The following LINGO2 variants were observed in gnomAD, a reference collection of about 807,000 sequenced individuals.
LINGO2 encodes leucine-rich repeat and immunoglobulin-like domain-containing nogo receptor-interacting protein 2.
LINGO2 carries 14 observed loss-of-function variants against 30.6 expected under a neutral mutation model. The ratio of observed to expected loss-of-function variants is 0.46; its 90% CI spans 0.30 to 0.72. The LOEUF (loss-of-function observed/expected upper bound fraction) is 0.72, where lower values mean the gene tolerates loss of function less well. Ranked by LOEUF, LINGO2 falls within the 30% of genes least tolerant of loss-of-function variation. The pLI is 0.07. For synonymous variants in LINGO2, 317 were observed against 288.5 expected, an observed-to-expected ratio of 1.10 and a Z score of -1.00; for missense variants, 729 against 751.7, an observed-to-expected ratio of 0.97 and a Z score of 0.35.
intron 4 of LINGO2, among the ~76,000 whole-genome samples, chr9:28,279,680 C>T (rs1388691619): frequency 6.6e-6 from 1 of 152,044 alleles, no homozygotes; most frequent in East Asian, 1.9e-4. Context: ...CCAAAAATTT[C>T]ATGTGACTTG....
At chr9:28,921,079 C>T in the LINGO2 span, among the ~76,000 whole-genome samples, 3 of 151,736 alleles carry the variant, frequency 2.0e-5, no homozygotes, top group Admixed American at 6.6e-5. Flanking sequence ...ATGACACATG[C>T]GGGAATGGAA....
chr9:29,160,362 G>T, the LINGO2 span, among the ~76,000 whole-genome samples: 3 of 152,160 alleles, frequency 2.0e-5, no homozygotes, highest in African/African-American at 7.2e-5. Flanking sequence ...ACTAGCTGTG[G>T]CAAGTTATTT....
chr9:29,188,533 T>C, the LINGO2 span, among the ~76,000 whole-genome samples: 60 of 152,316 alleles, frequency 3.9e-4, no homozygotes, highest in African/African-American at 1.4e-3. Context: ...TTTCCCGCCT[T>C]TCTATTCCAC....
intron 2 of LINGO2, among the ~76,000 whole-genome samples, chr9:28,448,785 A>G (rs552523390): frequency 6.6e-6 from 1 of 152,192 alleles, no homozygotes; most frequent in African/African-American, 2.4e-5. Context: ...ATCTGGAGAA[A>G]ACAGTACAGC....
intron 4 of LINGO2, among the ~76,000 whole-genome samples, chr9:28,144,963 G>T (rs1827772971): frequency 6.6e-6 from 1 of 152,166 alleles, no homozygotes. Flanking sequence ...TGAAAGGTGA[G>T]ATTTTAATAC....
intron 4 of LINGO2, among the ~76,000 whole-genome samples, chr9:28,154,524 T>C (rs144872095): frequency 5.3e-5 from 8 of 152,292 alleles, no homozygotes; most frequent in African/African-American, 1.9e-4. Flanking sequence ...TTTCCTGTAA[T>C]GGAGGAAATG....
At chr9:28,912,038 T>C in the LINGO2 span, among the ~76,000 whole-genome samples, 1 of 152,148 alleles carries the variant, frequency 6.6e-6, no homozygotes, top group East Asian at 1.9e-4. Flanking sequence ...AGAAAAATTA[T>C]TTAGAATTCC....
intron 1 of LINGO2, among the ~76,000 whole-genome samples, chr9:28,613,364 G>T (rs921094836): frequency 1.1e-4 from 16 of 151,734 alleles, no homozygotes; most frequent in Admixed American, 9.2e-4. Flanking sequence ...ACAAATAGTA[G>T]AATATGTGTA....
chr9:29,124,818 G>C, the LINGO2 span, among the ~76,000 whole-genome samples: 7,352 of 152,190 alleles, frequency 0.048, 563 homozygotes, highest in African/African-American at 0.16. Flanking sequence ...TTTTGGGAGA[G>C]TAAATTAGTT....
At chr9:28,408,985 T>G (rs1166832616) in intron 2 of LINGO2, among the ~76,000 whole-genome samples, 2 of 152,046 alleles carry the variant, frequency 1.3e-5, no homozygotes, top group Admixed American at 1.3e-4. Flanking sequence ...CCTGCTTTAA[T>G]GCCATATTCA....
At chr9:28,691,384 T>G in the LINGO2 span, among the ~76,000 whole-genome samples, 1 of 152,212 alleles carries the variant, frequency 6.6e-6, no homozygotes, top group Admixed American at 6.5e-5. Context: ...ATTCACAGAA[T>G]GTAGACTTTT....
intron 4 of LINGO2, among the ~76,000 whole-genome samples, chr9:28,105,232 T>G (rs1430210134): frequency 6.6e-6 from 1 of 152,154 alleles, no homozygotes; most frequent in Non-Finnish European, 1.5e-5. Context: ...CTTGTACTGA[T>G]GAGAAGTCAC....
chr9:28,268,352 G>A (rs1028639805), intron 4 of LINGO2, among the ~76,000 whole-genome samples: 2 of 152,056 alleles, frequency 1.3e-5, no homozygotes, highest in African/African-American at 4.8e-5. Context: ...GAATAGAAAA[G>A]CTTATAAGGC....
chr9:28,686,933 A>G, the LINGO2 span, among the ~76,000 whole-genome samples: 1 of 152,070 alleles, frequency 6.6e-6, no homozygotes, highest in African/African-American at 2.4e-5. Context: ...AAGATCTTTC[A>G]TTTCAAATTC....
the LINGO2 span, among the ~76,000 whole-genome samples, chr9:28,698,900 G>T: frequency 6.6e-6 from 1 of 151,918 alleles, no homozygotes; most frequent in Non-Finnish European, 1.5e-5. Flanking sequence ...CAATTAGCTA[G>T]ATGTGGTGGT....
At chr9:29,195,196 T>C in the LINGO2 span, among the ~76,000 whole-genome samples, 3 of 152,232 alleles carry the variant, frequency 2.0e-5, no homozygotes, top group African/African-American at 7.2e-5. Flanking sequence ...GGTCAATCAA[T>C]ATGTCATCTC....
At chr9:28,185,820 A>G (rs1819521741) in intron 4 of LINGO2, among the ~76,000 whole-genome samples, 1 of 152,126 alleles carries the variant, frequency 6.6e-6, no homozygotes, top group African/African-American at 2.4e-5. Context: ...TATTCTAGGG[A>G]ATGGTCAGAA....
chr9:27,949,488 T>C (rs748323322), exon 6 of LINGO2: 6 of 1,614,112 alleles, frequency 3.7e-6, no homozygotes, highest in Non-Finnish European at 5.1e-6. Flanking sequence ...GCTATGGAAA[T>C]CCTTGAAAGA....
At chr9:29,153,831 C>A in the LINGO2 span, among the ~76,000 whole-genome samples, 2 of 152,100 alleles carry the variant, frequency 1.3e-5, no homozygotes, top group African/African-American at 4.8e-5. Flanking sequence ...TTAATAGCAA[C>A]CGATACAGAT....
Sources: allele counts gnomAD v4.1 joint callset (sites outside exome capture counted in the v4.1 genomes callset), GRCh38; gene constraint gnomAD v4.1.1; transcripts MANE v1.5; gene names NCBI Gene and HGNC (gene_info 2026-07-23, HGNC 2026-07-21).